UVRAG: variants seen among roughly 807,000 people sequenced by gnomAD.
The protein encoded by UVRAG is UV radiation resistance associated.
UVRAG carries 19 observed loss-of-function variants against 78.0 expected under a neutral mutation model. The observed-to-expected ratio is 0.24, with a 90% CI of 0.17 to 0.36. The LOEUF is 0.36. Among genes scored for constraint, UVRAG ranks in the 10% least tolerant of loss-of-function variants. The pLI is 1.00. For synonymous variants in UVRAG, 323 were observed against 324.6 expected (o/e 1.00, Z 0.05); for missense variants, 740 against 853.8 (o/e 0.87, Z 1.66).
chr11:75,913,584 C>A (rs2135035813), intron 6 of UVRAG, among the ~76,000 whole-genome samples: 1 of 152,252 alleles, frequency 6.6e-6, no homozygotes, highest in Middle Eastern at 3.4e-3. Flanking sequence ...CTTAGAAGTC[C>A]TTCATGCATC....
chr11:76,124,240 G>T (rs923156273), intron 14 of UVRAG, among the ~76,000 whole-genome samples: 1 of 152,214 alleles, frequency 6.6e-6, no homozygotes, highest in African/African-American at 2.4e-5. Flanking sequence ...TAAAGAATTT[G>T]ACAATTCATT....
rs1950036357 is a variant in UVRAG at position 76,010,803 on chromosome 11, G to A, written c.1060+1936G>A. ...TAAAGACCAGACGTGTGCAGCTGGA[G>A]CATAGTGAGCGAGGGAAGAGCTACG... On this transcript the variant is annotated intron_variant, in intron 11 of 14. Coordinates refer to ENST00000356136, the MANE Select transcript of UVRAG (RefSeq NM_003369.4). Among the ~76,000 whole-genome samples, 2 of 152,170 alleles carry A rather than the reference G, an allele frequency of 1.3e-5. 1 individual carries two copies. The highest frequency in any genetic ancestry group is 1.3e-4 in the Admixed American group (2 of 15,284).
At chr11:76,108,704 A>G (rs1952016534) in intron 13 of UVRAG, among the ~76,000 whole-genome samples, 1 of 152,210 alleles carries the variant, frequency 6.6e-6, no homozygotes, top group Non-Finnish European at 1.5e-5. Flanking sequence ...TTGTGGTCTG[A>G]ATGTACTTGT....
chr11:75,817,951 T>C (rs1945295714), intron 1 of UVRAG, among the ~76,000 whole-genome samples: 1 of 150,628 alleles, frequency 6.6e-6, no homozygotes, highest in Admixed American at 6.6e-5. Context: ...TCCCAGCTAC[T>C]TGGGAGGCTG....
At chr11:76,108,831 C>G (rs1952020204) in intron 13 of UVRAG, among the ~76,000 whole-genome samples, 1 of 152,064 alleles carries the variant, frequency 6.6e-6, no homozygotes, top group Non-Finnish European at 1.5e-5. Flanking sequence ...TTAATTTTTC[C>G]AGGGAAACCA....
At chr11:75,984,248 C>T (rs547626401) in intron 8 of UVRAG, among the ~76,000 whole-genome samples, 49 of 152,258 alleles carry the variant, frequency 3.2e-4, no homozygotes, top group African/African-American at 8.7e-4. Flanking sequence ...GGTGAACAAC[C>T]GGTACTCTAT....
chr11:75,958,779 A>G (rs1948855015), intron 6 of UVRAG, among the ~76,000 whole-genome samples: 1 of 152,220 alleles, frequency 6.6e-6, no homozygotes, highest in African/African-American at 2.4e-5. Flanking sequence ...AGAATCAATT[A>G]TCTGTGGCAA....
At chr11:75,982,555 C>T (rs1398196996) in intron 7 of UVRAG, among the ~76,000 whole-genome samples, 1 of 152,112 alleles carries the variant, frequency 6.6e-6, no homozygotes, top group Non-Finnish European at 1.5e-5. Context: ...AGTCCAGGAT[C>T]CCCATGTGGT....
intron 6 of UVRAG, among the ~76,000 whole-genome samples, chr11:75,919,020 C>G (rs1947919385): frequency 6.6e-6 from 1 of 152,130 alleles, no homozygotes; most frequent in South Asian, 2.1e-4. Flanking sequence ...ATTTGGCTCT[C>G]TAGAAGCAAA....
chr11:76,068,656 CTGTT>C (rs1221095000), intron 13 of UVRAG, among the ~76,000 whole-genome samples: 3 of 152,182 alleles, frequency 2.0e-5, no homozygotes, highest in East Asian at 1.9e-4. Context: ...TCAGCTCTGT[CTGTT>C]CTGTCTCTCG....
At chr11:76,067,943 A>C (rs1029829861) in intron 13 of UVRAG, among the ~76,000 whole-genome samples, 1 of 152,048 alleles carries the variant, frequency 6.6e-6, no homozygotes, top group Non-Finnish European at 1.5e-5. Flanking sequence ...TTCTTGCCCT[A>C]TTTTCTCTTT....
intron 13 of UVRAG, among the ~76,000 whole-genome samples, chr11:76,088,273 A>G (rs1951630265): frequency 6.6e-6 from 1 of 152,172 alleles, no homozygotes; most frequent in Non-Finnish European, 1.5e-5. Context: ...TTGTCACTTA[A>G]GTAATTCTTC....
intron 8 of UVRAG, among the ~76,000 whole-genome samples, chr11:75,996,661 C>T (rs562249807): frequency 6.6e-6 from 1 of 152,234 alleles, no homozygotes; most frequent in East Asian, 1.9e-4. Context: ...GTAAAGCTTA[C>T]TGGGGGCAGG....
chr11:75,907,337 T>C (rs118148729), intron 5 of UVRAG, among the ~76,000 whole-genome samples: 2 of 152,294 alleles, frequency 1.3e-5, no homozygotes, highest in East Asian at 3.9e-4. Flanking sequence ...TGGTGTTAGC[T>C]GTGGGTTTTT....
At chr11:75,825,522 T>A (rs1176833507) in intron 1 of UVRAG, among the ~76,000 whole-genome samples, 2 of 152,254 alleles carry the variant, frequency 1.3e-5, no homozygotes, top group Non-Finnish European at 2.9e-5. Flanking sequence ...AACTTGACAT[T>A]GGAATTTTAC....
At chr11:76,099,890 A>G (rs1440413629) in intron 13 of UVRAG, among the ~76,000 whole-genome samples, 1 of 152,122 alleles carries the variant, frequency 6.6e-6, no homozygotes, top group African/African-American at 2.4e-5. Flanking sequence ...TCTATTAAAA[A>G]TGATCATTTG....
At chr11:75,821,436 G>A (rs1030919856) in intron 1 of UVRAG, among the ~76,000 whole-genome samples, 12 of 152,140 alleles carry the variant, frequency 7.9e-5, no homozygotes, top group Admixed American at 7.9e-4. Flanking sequence ...TGACTTCCTG[G>A]GGTCAAGTGA....
chr11:76,109,308 T>C (rs1952028095), intron 13 of UVRAG, among the ~76,000 whole-genome samples: 1 of 152,210 alleles, frequency 6.6e-6, no homozygotes, highest in African/African-American at 2.4e-5. Flanking sequence ...CCTTTGCTGT[T>C]GTTTCCCTCG....
chr11:75,834,864 C>G (rs1945744092), intron 1 of UVRAG, among the ~76,000 whole-genome samples: 1 of 152,066 alleles, frequency 6.6e-6, no homozygotes, highest in Non-Finnish European at 1.5e-5. Flanking sequence ...CTTTTTGTAG[C>G]AAAGGGTCTC....
Sources: gnomAD v4.1 joint callset for allele counts (sites outside exome capture counted in the v4.1 genomes callset) on GRCh38, gnomAD v4.1.1 for gene constraint, MANE v1.5 for transcripts, NCBI Gene and HGNC (gene_info 2026-07-23, HGNC 2026-07-21) for gene names.